APBB2: variants seen among roughly 807,000 people sequenced by gnomAD.
APBB2 encodes the protein Fe65-like 1.
Under a neutral mutation model 82.5 loss-of-function variants are expected in APBB2, and 38 were observed. That is an observed-to-expected ratio of 0.46 (90% CI 0.36 to 0.60). The LOEUF (loss-of-function observed/expected upper bound fraction) is 0.60. Ranked by LOEUF, APBB2 falls within the 20% of genes least tolerant of loss-of-function variation. The probability of loss-of-function intolerance (pLI) is 0.00; values close to 1 mark genes in which losing one functional copy is unlikely to be tolerated. For synonymous variants in APBB2, 341 were observed against 368.2 expected (o/e 0.93, Z 0.85); for missense variants, 772 against 972.3 (o/e 0.79, Z 2.74).
rs751582272 is a variant in APBB2, at chr4:40,812,253, T to C, written c.*3839A>G. 6.6e-6 allele frequency: 1 copy of C among 152,248 alleles called. No individual in the cohort carries two copies. Among genetic ancestry groups the C allele is most frequent in the Non-Finnish European group, 1.5e-5 (1 of 68,044 alleles). 9.4% of individuals were successfully genotyped at this position (152,248 alleles called of 1,614,324 possible). On this transcript the variant is annotated 3_prime_UTR_variant, in exon 18 of 18. Transcript: ENST00000508593. ...AATAACTAGAGACACCGAGTTTCTATTTCTATTCCTTGTATATGTGACTAA... is the reference window on the plus strand; with the variant it reads ...AATAACTAGAGACACCGAGTTTCTACTTCTATTCCTTGTATATGTGACTAA...
At chr4:40,959,090 C>T (rs2154389494) in intron 6 of APBB2, among the ~76,000 whole-genome samples, 1 of 152,296 alleles carries the variant, frequency 6.6e-6, no homozygotes, top group African/African-American at 2.4e-5. Context: ...CCTAGTCACT[C>T]GTCCTAACCA....
At chr4:40,988,525 C>G (rs2154408503) in intron 6 of APBB2, among the ~76,000 whole-genome samples, 1 of 151,020 alleles carries the variant, frequency 6.6e-6, no homozygotes, top group East Asian at 2.0e-4. Flanking sequence ...GTAATCCCAG[C>G]TACTCGGGAG....
At chr4:40,935,783 G>C (rs190445633) in intron 7 of APBB2, among the ~76,000 whole-genome samples, 2 of 150,906 alleles carry the variant, frequency 1.3e-5, no homozygotes, top group African/African-American at 2.4e-5. Context: ...TGCTTCAAAA[G>C]CTTCTTCACA....
At chr4:40,871,215 C>T (rs571702790) in intron 12 of APBB2, among the ~76,000 whole-genome samples, 16 of 152,298 alleles carry the variant, frequency 1.1e-4, no homozygotes, top group Middle Eastern at 3.4e-3. Context: ...AGTCTTGGCT[C>T]ACTGCAACCT....
chr4:40,863,295 A>C (rs1471563013), intron 12 of APBB2, among the ~76,000 whole-genome samples: 1 of 152,226 alleles, frequency 6.6e-6, no homozygotes, highest in Non-Finnish European at 1.5e-5. Context: ...GGGTCATATC[A>C]CAACAAGGTT....
intron 5 of APBB2, among the ~76,000 whole-genome samples, chr4:41,017,685 AGTAATATAGCGC>A (rs1383361191): frequency 2.6e-5 from 4 of 152,330 alleles, no homozygotes; most frequent in East Asian, 1.9e-4. Flanking sequence ...TTTGTACGCA[AGTAATATAGCGC>A]GGGGCTGCCT....
chr4:40,974,965 A>T (rs1796795862), intron 6 of APBB2, among the ~76,000 whole-genome samples: 1 of 152,178 alleles, frequency 6.6e-6, no homozygotes, highest in Non-Finnish European at 1.5e-5. Flanking sequence ...ATATTCTCCA[A>T]TTTCTGCTAC....
chr4:40,932,170 T>A (rs1005892161), intron 10 of APBB2, among the ~76,000 whole-genome samples: 1 of 152,230 alleles, frequency 6.6e-6, no homozygotes, highest in African/African-American at 2.4e-5. Context: ...TGGCTCCACA[T>A]ACATCACTGC....
At chr4:40,928,578 CAAAT>C (rs34148847) in intron 10 of APBB2, among the ~76,000 whole-genome samples, 36,181 of 143,878 alleles carry the variant, frequency 0.25, 5,181 homozygotes, top group East Asian at 0.52. Context: ...CACTCTGTCT[CAAAT>C]AAATAATTTT....
Position 41,060,654 on chromosome 4 carries a change from G to A in APBB2, c.-51+4922C>T, listed in dbSNP as rs369107204. Among the ~76,000 whole-genome samples, 22 of 152,240 alleles carry A rather than the reference G, an allele frequency of 1.4e-4. No homozygotes were observed. In the East Asian group the frequency reaches 2.9e-3, roughly 20 times the overall value. ...TAAAAGGAATTTAGGACACAAGCAA[G>A]CATCAAGAGGGAGATTTAAGAGCTG... On this transcript the variant is annotated intron_variant, in intron 4 of 17. Transcript: ENST00000508593.
At chr4:40,978,792 C>T (rs1797795505) in intron 6 of APBB2, among the ~76,000 whole-genome samples, 1 of 152,072 alleles carries the variant, frequency 6.6e-6, no homozygotes, top group Non-Finnish European at 1.5e-5. Flanking sequence ...CTCCAAGATT[C>T]CATTTCAGTT....
chr4:40,881,014 C>T (rs116749360), intron 12 of APBB2: 425 of 985,428 alleles, frequency 4.3e-4, no homozygotes, highest in Non-Finnish European at 4.8e-4. Context: ...CAATCACTTA[C>T]GATGTCTTTC....
At chr4:40,954,554 G>A (rs1302468004) in intron 6 of APBB2, among the ~76,000 whole-genome samples, 1 of 152,226 alleles carries the variant, frequency 6.6e-6, no homozygotes, top group Non-Finnish European at 1.5e-5. Flanking sequence ...GGGCTTGTGA[G>A]AACGTACACT....
At chr4:41,007,260 TCC>T (rs1807016823) in intron 6 of APBB2, among the ~76,000 whole-genome samples, 1 of 151,826 alleles carries the variant, frequency 6.6e-6, no homozygotes, top group Admixed American at 6.6e-5. Flanking sequence ...GCATTCTCTT[TCC>T]CTCTGGCCAT....
rs80098511 is a variant in APBB2, at chr4:40,989,968, G to A, written c.835+23615C>T. Among the ~76,000 whole-genome samples the A allele has an allele frequency of 6.2e-3, 944 of 152,268 alleles. 14 individuals carry two copies. Among genetic ancestry groups the A allele is most frequent in the Middle Eastern group, 0.024 (7 of 294 alleles). ...GAAAACTAAAGAGTACATATAAAACGCTAAAACTTATAGAGAGGAGCCTTT... is the reference window on the plus strand; with the variant it reads ...GAAAACTAAAGAGTACATATAAAACACTAAAACTTATAGAGAGGAGCCTTT... On this transcript the variant is annotated intron_variant, in intron 6 of 17. Coordinates refer to ENST00000508593, the MANE Select transcript of APBB2 (RefSeq NM_004307.2).
intron 5 of APBB2, among the ~76,000 whole-genome samples, chr4:41,025,978 TGTG>T (rs1714014658): frequency 7.1e-6 from 1 of 141,114 alleles, no homozygotes; most frequent in Admixed American, 7.2e-5. Context: ...AAAAGGAAAA[TGTG>T]GTACATATAT....
intron 12 of APBB2, among the ~76,000 whole-genome samples, chr4:40,846,465 G>T (rs954945645): frequency 4.6e-5 from 7 of 152,020 alleles, no homozygotes; most frequent in Admixed American, 2.6e-4. Context: ...CAGGTGAAAG[G>T]CCTCTGAACT....
At chr4:40,825,349 C>A (rs1420847961) in intron 15 of APBB2, among the ~76,000 whole-genome samples, 2 of 152,204 alleles carry the variant, frequency 1.3e-5, no homozygotes, top group East Asian at 3.8e-4. Flanking sequence ...ATGTAGCTTG[C>A]GATTTCTCCA....
intron 12 of APBB2, among the ~76,000 whole-genome samples, chr4:40,838,136 C>CATT (rs68050698): frequency 0.12 from 17,224 of 142,020 alleles, 1,229 homozygotes; most frequent in East Asian, 0.19. Flanking sequence ...TTCAAGTGGG[C>CATT]ATTATTATTA....
Sources: allele counts gnomAD v4.1 joint callset (sites outside exome capture counted in the v4.1 genomes callset), GRCh38; gene constraint gnomAD v4.1.1; transcripts MANE v1.5; gene names NCBI Gene and HGNC (gene_info 2026-07-23, HGNC 2026-07-21).